Variants in TMTC2 observed in about 807,000 individuals in gnomAD.
TMTC2 encodes protein O-mannosyl-transferase TMTC2.
TMTC2 carries 43 observed loss-of-function variants against 82.4 expected under a neutral mutation model. That is an observed-to-expected ratio of 0.52 (90% CI 0.41 to 0.67). TMTC2 has a LOEUF of 0.67. Among genes scored for constraint, TMTC2 ranks in the 30% least tolerant of loss-of-function variants. The pLI, the probability that TMTC2 is intolerant of heterozygous loss-of-function variation, is 0.00. For synonymous variants in TMTC2, 408 were observed against 381.9 expected (o/e 1.07, Z -0.80); for missense variants, 919 against 1,012.4 (o/e 0.91, Z 1.25).
At chr12:82,770,682 T>C (rs920480232) in intron 1 of TMTC2, among the ~76,000 whole-genome samples, 3 of 152,160 alleles carry the variant, frequency 2.0e-5, no homozygotes, top group Non-Finnish European at 4.4e-5. Flanking sequence ...ATACAGGGTC[T>C]CCCTGTGTTG....
At chr12:83,049,532 G>T (rs911288047) in intron 9 of TMTC2, among the ~76,000 whole-genome samples, 2 of 152,058 alleles carry the variant, frequency 1.3e-5, no homozygotes, top group Non-Finnish European at 2.9e-5. Context: ...CATGGTGTGT[G>T]TATACCACAT....
intron 3 of TMTC2, among the ~76,000 whole-genome samples, chr12:82,900,944 T>G (rs1217364386): frequency 5.8e-5 from 5 of 86,466 alleles, no homozygotes; most frequent in Admixed American, 1.6e-4. Context: ...TAGGAATATA[T>G]ATATATCTGG....
chr12:82,703,627 T>G (rs1490353260), intron 1 of TMTC2, among the ~76,000 whole-genome samples: 1 of 151,588 alleles, frequency 6.6e-6, no homozygotes, highest in Non-Finnish European at 1.5e-5. Flanking sequence ...GCCTCCCGAG[T>G]AGCTGGGACT....
At chr12:82,926,768 AG>A (rs1875742591) in intron 3 of TMTC2, among the ~76,000 whole-genome samples, 1 of 152,106 alleles carries the variant, frequency 6.6e-6, no homozygotes, top group African/African-American at 2.4e-5. Context: ...AAAAAATCCT[AG>A]GGCCCTTAAG....
At chr12:82,690,899 T>A (rs1471858731) in intron 1 of TMTC2, among the ~76,000 whole-genome samples, 1 of 152,110 alleles carries the variant, frequency 6.6e-6, no homozygotes, top group Non-Finnish European at 1.5e-5. Context: ...TCTGCATTCT[T>A]ACGCATTTGT....
At chr12:82,750,455 C>G (rs1466649772) in intron 1 of TMTC2, among the ~76,000 whole-genome samples, 1 of 152,118 alleles carries the variant, frequency 6.6e-6, no homozygotes, top group Non-Finnish European at 1.5e-5. Context: ...ATTCTGCACT[C>G]TGTTCTCCGC....
At chr12:82,728,474 A>C (rs1325623923) in intron 1 of TMTC2, among the ~76,000 whole-genome samples, 1 of 152,128 alleles carries the variant, frequency 6.6e-6, no homozygotes, top group East Asian at 1.9e-4. Context: ...TAATCCCACC[A>C]CTTTGGGAGG....
intron 1 of TMTC2, among the ~76,000 whole-genome samples, chr12:82,714,428 T>C (rs1038524064): frequency 5.3e-5 from 8 of 152,232 alleles, no homozygotes; most frequent in African/African-American, 1.9e-4. Flanking sequence ...AGTAGAGTGC[T>C]TCCTTATCAG....
At chr12:83,114,887 ATATT>A (rs1435234887) in intron 11 of TMTC2, among the ~76,000 whole-genome samples, 3 of 151,598 alleles carry the variant, frequency 2.0e-5, no homozygotes, top group Admixed American at 2.0e-4. Context: ...ATATGTGTGT[ATATT>A]TATATATATA....
chr12:83,123,516 G>A (rs574391900), intron 11 of TMTC2, among the ~76,000 whole-genome samples: 1 of 152,276 alleles, frequency 6.6e-6, no homozygotes, highest in African/African-American at 2.4e-5. Flanking sequence ...TGGGAGTGTT[G>A]CATTGCTTAT....
chr12:82,863,785 G>A (rs1871673878), intron 2 of TMTC2, among the ~76,000 whole-genome samples: 1 of 152,160 alleles, frequency 6.6e-6, no homozygotes, highest in African/African-American at 2.4e-5. Flanking sequence ...AGTAGGCGAT[G>A]TGGGGATTCA....
chr12:82,715,857 G>A (rs1457941131), intron 1 of TMTC2, among the ~76,000 whole-genome samples: 3 of 152,146 alleles, frequency 2.0e-5, no homozygotes, highest in Non-Finnish European at 2.9e-5. Flanking sequence ...TACTGTAGCT[G>A]CTGTAAAAGG....
intron 2 of TMTC2, among the ~76,000 whole-genome samples, chr12:82,868,411 A>G (rs1871977764): frequency 6.6e-6 from 1 of 152,190 alleles, no homozygotes; most frequent in South Asian, 2.1e-4. Context: ...ACATGATTTG[A>G]TAATTTATCT....
At chr12:82,716,236 C>T (rs1873889315) in intron 1 of TMTC2, among the ~76,000 whole-genome samples, 1 of 152,076 alleles carries the variant, frequency 6.6e-6, no homozygotes, top group Non-Finnish European at 1.5e-5. Flanking sequence ...TTCTAGACAT[C>T]TAGTCTTATT....
chr12:82,827,535 T>A (rs1303589248), intron 1 of TMTC2, among the ~76,000 whole-genome samples: 2 of 152,230 alleles, frequency 1.3e-5, no homozygotes, highest in East Asian at 3.9e-4. Context: ...TTAAATTGTA[T>A]CCTAGTATAT....
chr12:82,917,879 G>A (rs1875108358), intron 3 of TMTC2, among the ~76,000 whole-genome samples: 1 of 151,840 alleles, frequency 6.6e-6, no homozygotes, highest in Non-Finnish European at 1.5e-5. Flanking sequence ...GGGATTACAG[G>A]CGTGAGCCAC....
chr12:83,015,518 A>T (rs963363), intron 8 of TMTC2, among the ~76,000 whole-genome samples: 1 of 152,146 alleles, frequency 6.6e-6, no homozygotes, highest in South Asian at 2.1e-4. Context: ...CACATCACAC[A>T]TTTTTTCCTT....
At chr12:83,003,194 G>A (rs1362013676) in intron 8 of TMTC2, among the ~76,000 whole-genome samples, 3 of 152,030 alleles carry the variant, frequency 2.0e-5, no homozygotes, top group Admixed American at 2.0e-4. Context: ...CTTTTTGGCT[G>A]TTGTTGGTTT....
chr12:82,778,645 C>T (rs545047220), intron 1 of TMTC2, among the ~76,000 whole-genome samples: 288 of 151,920 alleles, frequency 1.9e-3, no homozygotes, highest in Middle Eastern at 0.014. Flanking sequence ...GTCAGGAGAT[C>T]GAGACCATCC....
Sources: gnomAD v4.1 joint callset for allele counts (sites outside exome capture counted in the v4.1 genomes callset) on GRCh38, gnomAD v4.1.1 for gene constraint, MANE v1.5 for transcripts, NCBI Gene and HGNC (gene_info 2026-07-23, HGNC 2026-07-21) for gene names.